LRRC4C: variants seen among roughly 807,000 people sequenced by gnomAD.
The protein encoded by LRRC4C is leucine-rich repeat-containing protein 4C.
In LRRC4C, 5 loss-of-function variants were observed where a neutral mutation model predicts 33.6. That is an observed-to-expected ratio of 0.15 (90% CI 0.08 to 0.31). LRRC4C has a LOEUF of 0.31. Among genes scored for constraint, LRRC4C ranks in the 10% least tolerant of loss-of-function variants. The pLI, the probability that LRRC4C is intolerant of heterozygous loss-of-function variation, is 1.00. For synonymous variants in LRRC4C, 329 were observed against 302.0 expected (o/e 1.09, Z -0.93); for missense variants, 560 against 796.7 (o/e 0.70, Z 3.58).
intron 1 of LRRC4C, among the ~76,000 whole-genome samples, chr11:41,177,088 G>A (rs903910554): frequency 2.6e-5 from 4 of 152,288 alleles, no homozygotes; most frequent in Admixed American, 6.5e-5. Context: ...GAAGGAGATG[G>A]AGTGAGCTAC....
At chr11:41,129,276 G>T (rs1234102978) in intron 1 of LRRC4C, among the ~76,000 whole-genome samples, 2 of 151,808 alleles carry the variant, frequency 1.3e-5, no homozygotes, top group Admixed American at 6.6e-5. Context: ...TGCATGTTTG[G>T]CAATTTGTAA....
chr11:41,406,755 C>CACACACA (rs1954257026), intron 1 of LRRC4C, among the ~76,000 whole-genome samples: 1 of 147,704 alleles, frequency 6.8e-6, no homozygotes, highest in African/African-American at 2.5e-5. Flanking sequence ...CACACACGCA[C>CACACACA]CCTTAATAAA....
chr11:41,172,513 C>A (rs1032545356), intron 1 of LRRC4C, among the ~76,000 whole-genome samples: 1 of 152,154 alleles, frequency 6.6e-6, no homozygotes, highest in African/African-American at 2.4e-5. Context: ...CAGTGCCTAG[C>A]ACATCTATCT....
At chr11:40,764,377 T>C (rs1361772081) in intron 2 of LRRC4C, among the ~76,000 whole-genome samples, 1 of 152,082 alleles carries the variant, frequency 6.6e-6, no homozygotes, top group Non-Finnish European at 1.5e-5. Flanking sequence ...AGATTCCTTC[T>C]TGAGTACAGA....
intron 5 of LRRC4C, among the ~76,000 whole-genome samples, chr11:40,183,005 G>A (rs538767263): frequency 6.6e-5 from 10 of 152,194 alleles, no homozygotes; most frequent in Non-Finnish European, 1.3e-4. Flanking sequence ...CAGCAGATAT[G>A]TGAATCCAGC....
At chr11:41,336,683 A>G (rs1951465308) in intron 1 of LRRC4C, among the ~76,000 whole-genome samples, 1 of 152,204 alleles carries the variant, frequency 6.6e-6, no homozygotes, top group South Asian at 2.1e-4. Context: ...ATTTAAGGGA[A>G]GTGAAATTAA....
chr11:40,583,625 T>A (rs954905504), intron 3 of LRRC4C, among the ~76,000 whole-genome samples: 6 of 152,148 alleles, frequency 3.9e-5, no homozygotes, highest in African/African-American at 1.4e-4. Flanking sequence ...ATCTCAGGGA[T>A]GAGTTCTTTC....
chr11:40,203,185 C>T (rs971139236), intron 5 of LRRC4C, among the ~76,000 whole-genome samples: 3 of 152,104 alleles, frequency 2.0e-5, no homozygotes, highest in African/African-American at 7.2e-5. Flanking sequence ...CCTGAAAGAA[C>T]TGAAGTTCAC....
chr11:40,791,874 A>G (rs556590365), intron 2 of LRRC4C, among the ~76,000 whole-genome samples: 1 of 152,166 alleles, frequency 6.6e-6, no homozygotes, highest in South Asian at 2.1e-4. Context: ...AGGAGGTGAT[A>G]CAATTCAGGA....
At chr11:40,495,589 C>T (rs568919832) in intron 3 of LRRC4C, among the ~76,000 whole-genome samples, 5 of 152,102 alleles carry the variant, frequency 3.3e-5, no homozygotes, top group Non-Finnish European at 7.4e-5. Context: ...CGTGAAAATC[C>T]TGACAGATCA....
chr11:41,109,121 C>G lies in LRRC4C; in HGVS notation c.-495-175398G>C, dbSNP rs548695927. Among the ~76,000 whole-genome samples, 10 of 152,030 alleles carry G rather than the reference C, an allele frequency of 6.6e-5. No homozygotes were observed. In the East Asian group the frequency reaches 1.9e-3, roughly 29 times the overall value. On this transcript the variant is annotated intron_variant, in intron 1 of 6. Coordinates refer to ENST00000528697, the MANE Select transcript of LRRC4C (RefSeq NM_001258419.2). ...TAACTGATATATTTCCTTGTGTTTT[C>G]TCTCCTATCTTCATCCCTTTATCCC...
At chr11:40,860,535 T>A (rs1305831530) in intron 2 of LRRC4C, among the ~76,000 whole-genome samples, 1 of 152,168 alleles carries the variant, frequency 6.6e-6, no homozygotes, top group Admixed American at 6.5e-5. Flanking sequence ...TGCCAAGCGA[T>A]CTTTGGAGTC....
chr11:40,926,991 T>C (rs866142427), intron 2 of LRRC4C, among the ~76,000 whole-genome samples: 6 of 152,276 alleles, frequency 3.9e-5, no homozygotes, highest in Admixed American at 2.6e-4. Flanking sequence ...AGTATGCTGT[T>C]GTAAAACATA....
chr11:40,230,092 TC>T (rs1214745998), intron 5 of LRRC4C, among the ~76,000 whole-genome samples: 1 of 152,094 alleles, frequency 6.6e-6, no homozygotes, highest in African/African-American at 2.4e-5. Flanking sequence ...TAGCTCAGAC[TC>T]CCCTTGGAAG....
intron 1 of LRRC4C, among the ~76,000 whole-genome samples, chr11:41,228,648 T>A (rs946328325): frequency 6.6e-6 from 1 of 152,074 alleles, no homozygotes; most frequent in Non-Finnish European, 1.5e-5. Context: ...GATTGATATC[T>A]TTTTTTGCTT....
At chr11:40,587,870 C>A (rs919337795) in intron 3 of LRRC4C, among the ~76,000 whole-genome samples, 4 of 152,110 alleles carry the variant, frequency 2.6e-5, no homozygotes, top group African/African-American at 9.7e-5. Context: ...CTGCTGGATT[C>A]GTTTTGCCAC....
At chr11:41,240,615 C>T (rs1233842810) in intron 1 of LRRC4C, among the ~76,000 whole-genome samples, 1 of 152,078 alleles carries the variant, frequency 6.6e-6, no homozygotes, top group Non-Finnish European at 1.5e-5. Context: ...AATGGTTTTC[C>T]CTAAGCCACC....
chr11:40,332,216 T>C (rs1419243689), intron 3 of LRRC4C, among the ~76,000 whole-genome samples: 1 of 152,170 alleles, frequency 6.6e-6, no homozygotes, highest in Admixed American at 6.5e-5. Flanking sequence ...AACTAAAATA[T>C]GGCCAGGCCA....
intron 5 of LRRC4C, among the ~76,000 whole-genome samples, chr11:40,195,100 A>G (rs1259775425): frequency 6.6e-6 from 1 of 152,226 alleles, no homozygotes; most frequent in African/African-American, 2.4e-5. Flanking sequence ...CAAAGAAAAA[A>G]AAAAAGAAAG....
Sources: allele counts gnomAD v4.1 joint callset (sites outside exome capture counted in the v4.1 genomes callset), GRCh38; gene constraint gnomAD v4.1.1; transcripts MANE v1.5; gene names NCBI Gene and HGNC (gene_info 2026-07-23, HGNC 2026-07-21).